The following DHX9 variants were observed in gnomAD, a reference collection of about 807,000 sequenced individuals.
The protein encoded by DHX9 is ATP-dependent RNA helicase A.
Under a neutral mutation model 148.7 loss-of-function variants are expected in DHX9, and 27 were observed. The ratio of observed to expected loss-of-function variants is 0.18; its 90% confidence interval spans 0.13 to 0.25. The LOEUF is 0.25. Ranked by LOEUF, DHX9 falls within the 10% of genes least tolerant of loss-of-function variation. The pLI is 1.00. For missense variants in DHX9, 796 were observed against 1,559.6 expected, an observed-to-expected ratio of 0.51 and a Z score of 8.25; for synonymous variants, 529 against 516.6, an observed-to-expected ratio of 1.02 and a Z score of -0.33.
chr1:182,881,134 G>GC, intron 22 of DHX9, 130 bp from the exon 23 acceptor site: 1 of 922,304 alleles, frequency 1.1e-6, no homozygotes, highest in Non-Finnish European at 1.6e-6. Flanking sequence ...TCTTTGTTAA[G>GC]CCAGTTTCAT....
Position 182,839,369 on chromosome 1 carries a change from G to A in DHX9, c.-110G>A, listed in dbSNP as rs1178320737. ...GGAGCCATTTCGCCGATTCCTCCATGCGAGTTGCTGTGCGTTTCTCTGTTG... is the reference window on the plus strand; with the variant it reads ...GGAGCCATTTCGCCGATTCCTCCATACGAGTTGCTGTGCGTTTCTCTGTTG... On this transcript the variant is annotated 5_prime_UTR_variant, in exon 1 of 28. The change abolishes an upstream ATG in the 5' untranslated region. Coordinates refer to ENST00000367549, the MANE Select transcript of DHX9 (RefSeq NM_001357.5). 2 of 152,340 alleles carry A rather than the reference G, an allele frequency of 1.3e-5. No individual in the cohort carries two copies. Among genetic ancestry groups the A allele is most frequent in the African/African-American group, 4.8e-5 (2 of 41,430 alleles). The allele number at this position is 152,340 out of a possible 1,614,324, so 9.4% of individuals were successfully genotyped here.
intron 1 of DHX9, among the ~76,000 whole-genome samples, chr1:182,842,096 T>G (rs1667942804): frequency 6.6e-6 from 1 of 152,208 alleles, no homozygotes; most frequent in Non-Finnish European, 1.5e-5. Flanking sequence ...CCACGGTGGG[T>G]GACTTGGAAG....
At chr1:182,855,795 A>G in intron 6 of DHX9, 13 of 933,258 alleles carry the variant, frequency 1.4e-5, no homozygotes, top group Non-Finnish European at 1.7e-5. Context: ...CACACCACCA[A>G]GTCTAGGTTA....
At chr1:182,855,183 G>A (rs1668231641) in intron 6 of DHX9, among the ~76,000 whole-genome samples, 1 of 152,190 alleles carries the variant, frequency 6.6e-6, no homozygotes, top group Admixed American at 6.5e-5. Flanking sequence ...CCGTCAGGTT[G>A]CAAAGGAGTG....
rs1279980422 is a variant in DHX9, at chr1:182,885,147, ATC to A, written c.3461+338_3461+339del. 2.6e-5 allele frequency among the ~76,000 whole-genome samples: 4 copies of A among 152,340 alleles called. No individual in the cohort carries two copies. The East Asian group carries it at 7.7e-4, about 29-fold the overall frequency. On this transcript the variant is annotated intron_variant, in intron 27 of 27. Coordinates refer to ENST00000367549, the MANE Select transcript of DHX9 (RefSeq NM_001357.5). ...CCTTTTTCCATGGTACTGTTTTGGC[ATC>A]TCTAAAGAAAAATATTGATGAGATG...
At chr1:182,854,621 C>CT (rs775825195) in intron 6 of DHX9, among the ~76,000 whole-genome samples, 2 of 151,778 alleles carry the variant, frequency 1.3e-5, no homozygotes, top group Non-Finnish European at 3.0e-5. Context: ...CATCTACATC[C>CT]ACATTTCACT....
intron 12 of DHX9, among the ~76,000 whole-genome samples, chr1:182,865,095 A>G (rs772155748): frequency 6.6e-6 from 1 of 152,320 alleles, no homozygotes; most frequent in Non-Finnish European, 1.5e-5. Flanking sequence ...AAGAAAAACT[A>G]TAGGGAAGAC....
At chr1:182,850,839 ACT>A (rs1239977551) in intron 3 of DHX9, among the ~76,000 whole-genome samples, 2 of 152,152 alleles carry the variant, frequency 1.3e-5, no homozygotes, top group Non-Finnish European at 2.9e-5. Context: ...CACTTTCAAT[ACT>A]CTTATACCTC....
rs369949145 is a variant in DHX9 at position 182,850,579 on chromosome 1, A to G, written c.253-1654A>G. Among the ~76,000 whole-genome samples, 14 of 150,982 alleles carry G rather than the reference A, an allele frequency of 9.3e-5. No individual in the cohort carries two copies. In the East Asian group the frequency reaches 9.8e-4, roughly 11 times the overall value. On this transcript the variant is annotated intron_variant, in intron 3 of 27. Coordinates refer to ENST00000367549, the MANE Select transcript of DHX9 (RefSeq NM_001357.5). ...CATTGCACTCCAGCCTGGGTGATGC[A>G]GTGAGACCCTGTCTCAAAAAAAAAA...
intron 14 of DHX9, among the ~76,000 whole-genome samples, chr1:182,871,095 T>G (rs1277344652): frequency 1.3e-5 from 2 of 152,176 alleles, no homozygotes; most frequent in Non-Finnish European, 2.9e-5. Context: ...AGGTTATTTG[T>G]TTAATCAAAA....
intron 14 of DHX9, among the ~76,000 whole-genome samples, chr1:182,868,168 A>G (rs1648384583): frequency 6.6e-6 from 1 of 152,194 alleles, no homozygotes; most frequent in South Asian, 2.1e-4. Context: ...CATAAGTCAT[A>G]AAATTGAATA....
chr1:182,839,670 C>T (rs535883096), intron 1 of DHX9: 6 of 152,386 alleles, frequency 3.9e-5, no homozygotes, highest in South Asian at 2.1e-4. Flanking sequence ...CCTGTGGCCC[C>T]CTCCCCTCTC....
At chr1:182,870,166 A>ATCTTGG (rs1648499034) in intron 14 of DHX9, among the ~76,000 whole-genome samples, 2 of 152,242 alleles carry the variant, frequency 1.3e-5, no homozygotes, top group African/African-American at 4.8e-5. Context: ...CAAGAAAAAT[A>ATCTTGG]AGTTTTATCA....
chr1:182,852,597 T>C (rs1668174561), intron 4 of DHX9, among the ~76,000 whole-genome samples: 1 of 152,264 alleles, frequency 6.6e-6, no homozygotes, highest in African/African-American at 2.4e-5. Flanking sequence ...TTCCACAGGC[T>C]AGAATATTTG....
intron 3 of DHX9, among the ~76,000 whole-genome samples, chr1:182,844,574 C>T (rs138484341): frequency 1.3e-5 from 2 of 152,220 alleles, no homozygotes; most frequent in Non-Finnish European, 2.9e-5. Flanking sequence ...AAGACGGAGT[C>T]TTGCTCTGTT....
At chr1:182,866,649 G>A in intron 13 of DHX9, 64 bp downstream of exon 13, 1 of 1,518,800 alleles carries the variant, frequency 6.6e-7, no homozygotes, top group Non-Finnish European at 9.0e-7. Context: ...AAACTTGATA[G>A]CAGAACAGAA....
At position 182,859,257 on chromosome 1, in the gene DHX9, ACCCC is replaced by A. The variant is rs540390697; in HGVS notation, c.1140+141_1140+144del. 586 of 642,944 alleles carry A rather than the reference ACCCC, an allele frequency of 9.1e-4. 6 individuals carry two copies. The African/African-American group carries it at 0.01, about 11-fold the overall frequency. 39.8% of individuals were successfully genotyped at this position (642,944 alleles called of 1,614,324 possible). The stretch of plus-strand genomic sequence containing the variant: ...ATGTACCAAACTGCTAATCCTAGTT[ACCCC>A]TGAAGTTAGTTGCTATGAGTTGAGG... On this transcript the variant is annotated intron_variant, in intron 11 of 27. Coordinates refer to ENST00000367549, the MANE Select transcript of DHX9 (RefSeq NM_001357.5).
Position 182,869,276 on chromosome 1 carries a change from C to A in DHX9, c.1557+2233C>A, listed in dbSNP as rs142222252. Reference sequence around the variant, plus strand: ...TTGGTCCAGTCTTCTCCAGTCCTGACCGGTCTTATCCGGTTCGGCCCAGTC... The same window carrying A: ...TTGGTCCAGTCTTCTCCAGTCCTGAACGGTCTTATCCGGTTCGGCCCAGTC... On this transcript the variant is annotated intron_variant, in intron 14 of 27. Transcript: ENST00000367549. Among the ~76,000 whole-genome samples the A allele has an allele frequency of 3.3e-5, 5 of 152,264 alleles. No homozygotes were observed. The East Asian group carries it at 9.7e-4, about 29-fold the overall frequency.
rs534008517 is a variant in DHX9, at chr1:182,840,353, G to T, written c.-23+897G>T. On this transcript the variant is annotated intron_variant, in intron 1 of 27. Transcript: ENST00000367549. ...TCTCGCTCTGTCGCCAGACTGGAGT[G>T]CAGTGGCGCGATGGCGGCTCACAGC... is the stretch of plus-strand genomic sequence containing the variant. 2.1e-3 allele frequency among the ~76,000 whole-genome samples: 309 copies of T among 144,304 alleles called. 1 individual carries two copies. Among genetic ancestry groups the T allele is most frequent in the Admixed American group, 3.7e-3 (52 of 14,158 alleles). 94.7% of individuals were successfully genotyped at this position (144,304 alleles called of 152,430 possible). A position where few individuals can be genotyped will look rare whatever the true frequency, so the allele number is the denominator to read the frequency against.
Sources: gnomAD v4.1 joint callset for allele counts (sites outside exome capture counted in the v4.1 genomes callset) on GRCh38, gnomAD v4.1.1 for gene constraint, MANE v1.5 for transcripts, NCBI Gene and HGNC (gene_info 2026-07-23, HGNC 2026-07-21) for gene names.